NCOA3: variants seen among roughly 807,000 people sequenced by gnomAD.
The protein encoded by NCOA3 is CBP-interacting protein.
In NCOA3, 51 loss-of-function variants were observed where a neutral mutation model predicts 158.8. The ratio of observed to expected loss-of-function variants is 0.32; its 90% CI spans 0.26 to 0.41. The LOEUF is 0.41. NCOA3 is among the 10% of genes least tolerant of loss of function. The pLI, the probability that NCOA3 is intolerant of heterozygous loss-of-function variation, is 1.00. For synonymous variants in NCOA3, 537 were observed against 592.4 expected, an observed-to-expected ratio of 0.91 and a Z score of 1.36; for missense variants, 1,510 against 1,746.6, an observed-to-expected ratio of 0.86 and a Z score of 2.41.
intron 1 of NCOA3, among the ~76,000 whole-genome samples, chr20:47,555,670 G>A (rs1416651989): frequency 4.5e-5 from 5 of 111,956 alleles, no homozygotes; most frequent in Non-Finnish European, 8.3e-5. Context: ...ACAGAGTCTC[G>A]CCCTGTCGCC....
intron 1 of NCOA3, among the ~76,000 whole-genome samples, chr20:47,508,458 T>G (rs958355353): frequency 1.3e-5 from 2 of 152,218 alleles, no homozygotes; most frequent in African/African-American, 4.8e-5. Context: ...GCAGTTGTAT[T>G]GTGGTATTGT....
intron 2 of NCOA3, among the ~76,000 whole-genome samples, chr20:47,618,579 C>T (rs1176252062): frequency 6.6e-6 from 1 of 152,088 alleles, no homozygotes; most frequent in African/African-American, 2.4e-5. Flanking sequence ...GTCTCGAACT[C>T]CCGACCTCAG....
chr20:47,510,973 T>G (rs2084113935), intron 1 of NCOA3, among the ~76,000 whole-genome samples: 4 of 152,062 alleles, frequency 2.6e-5, no homozygotes, highest in Non-Finnish European at 5.9e-5. Flanking sequence ...GCTGCTTGGT[T>G]GTTGTTGCCT....
intron 8 of NCOA3, 57 bp from the exon 9 acceptor site, chr20:47,633,439 G>A: frequency 6.7e-7 from 1 of 1,501,408 alleles, no homozygotes; most frequent in South Asian, 1.2e-5. Context: ...TGTGTAGGCA[G>A]CCAGTAAATA....
intron 1 of NCOA3, among the ~76,000 whole-genome samples, chr20:47,515,424 G>A (rs1249026594): frequency 1.3e-5 from 2 of 150,158 alleles, no homozygotes; most frequent in African/African-American, 4.9e-5. Context: ...AGTCCAAAGT[G>A]CTGGAAATAC....
intron 1 of NCOA3, among the ~76,000 whole-genome samples, chr20:47,551,062 T>C (rs1020973614): frequency 6.6e-6 from 1 of 152,108 alleles, no homozygotes; most frequent in Non-Finnish European, 1.5e-5. Context: ...TTCCTCATGA[T>C]TAAATTCTGG....
chr20:47,513,218 A>C (rs2146059665), intron 1 of NCOA3, among the ~76,000 whole-genome samples: 1 of 152,178 alleles, frequency 6.6e-6, no homozygotes, highest in East Asian at 1.9e-4. Context: ...TACACTTAGC[A>C]TATAACCCAG....
chr20:47,653,141 C>A, intron 22 of NCOA3, 69 bp downstream of exon 22: 1 of 1,523,214 alleles, frequency 6.6e-7, no homozygotes, highest in Non-Finnish European at 9.0e-7. Context: ...AAAGCCTAGG[C>A]TATAATCAGA....
chr20:47,624,638 G>C (rs1443498786), intron 4 of NCOA3, among the ~76,000 whole-genome samples: 2 of 152,088 alleles, frequency 1.3e-5, no homozygotes, highest in African/African-American at 4.8e-5. Context: ...CTGGGGGTTG[G>C]GGACCCCTGT....
intron 2 of NCOA3, among the ~76,000 whole-genome samples, chr20:47,610,791 T>A (rs1291661641): frequency 6.6e-6 from 1 of 152,238 alleles, no homozygotes; most frequent in Non-Finnish European, 1.5e-5. Flanking sequence ...CAAAAGTCTT[T>A]TATTAGCTTT....
At chr20:47,514,584 G>A (rs1602325231) in intron 1 of NCOA3, among the ~76,000 whole-genome samples, 1 of 151,936 alleles carries the variant, frequency 6.6e-6, no homozygotes, top group South Asian at 2.1e-4. Context: ...GTAGAGATTG[G>A]GTTTCACCAT....
chr20:47,611,348 C>T (rs2086039778), intron 2 of NCOA3, among the ~76,000 whole-genome samples: 1 of 152,158 alleles, frequency 6.6e-6, no homozygotes, highest in Non-Finnish European at 1.5e-5. Context: ...TTTTATTTAT[C>T]TCTTTCTTCC....
At chr20:47,582,823 C>G (rs1251043975) in intron 1 of NCOA3, among the ~76,000 whole-genome samples, 1 of 152,150 alleles carries the variant, frequency 6.6e-6, no homozygotes, top group Admixed American at 6.5e-5. Flanking sequence ...GAGAGAGAAT[C>G]TCGCTCTGTC....
At chr20:47,521,181 G>A (rs538751746) in intron 1 of NCOA3, among the ~76,000 whole-genome samples, 1 of 152,106 alleles carries the variant, frequency 6.6e-6, no homozygotes, top group African/African-American at 2.4e-5. Flanking sequence ...GCACTGCGTG[G>A]GTCCTGATTT....
At chr20:47,609,148 C>G (rs2086003295) in intron 2 of NCOA3, among the ~76,000 whole-genome samples, 2 of 152,150 alleles carry the variant, frequency 1.3e-5, no homozygotes, top group Non-Finnish European at 2.9e-5. Flanking sequence ...TTCTGATGAT[C>G]TACTTACTAG....
At chr20:47,601,565 C>G (rs2085863523) in intron 2 of NCOA3, among the ~76,000 whole-genome samples, 1 of 152,010 alleles carries the variant, frequency 6.6e-6, no homozygotes, top group Non-Finnish European at 1.5e-5. Flanking sequence ...AGGTGAACTG[C>G]TGTACAAATA....
intron 1 of NCOA3, among the ~76,000 whole-genome samples, chr20:47,507,051 A>G (rs1395803358): frequency 1.3e-5 from 2 of 152,178 alleles, no homozygotes; most frequent in Non-Finnish European, 2.9e-5. Context: ...TTTGGTGGCT[A>G]TGGCAGCTGA....
chr20:47,565,258 G>A (rs1351636408), intron 1 of NCOA3, among the ~76,000 whole-genome samples: 1 of 152,228 alleles, frequency 6.6e-6, no homozygotes, highest in Admixed American at 6.5e-5. Context: ...TAGGATTACA[G>A]GCATGAGCCA....
At chr20:47,585,693 C>G (rs2085524806) in intron 2 of NCOA3, among the ~76,000 whole-genome samples, 1 of 152,142 alleles carries the variant, frequency 6.6e-6, no homozygotes, top group South Asian at 2.1e-4. Flanking sequence ...GCTAGATTTT[C>G]CTAAATGTAT....
Sources: gnomAD v4.1 joint callset for allele counts (sites outside exome capture counted in the v4.1 genomes callset) on GRCh38, gnomAD v4.1.1 for gene constraint, MANE v1.5 for transcripts, NCBI Gene and HGNC (gene_info 2026-07-23, HGNC 2026-07-21) for gene names.